Variants in MYRIP observed in about 807,000 individuals in gnomAD.
The protein encoded by MYRIP is myosin VIIA and Rab interacting protein, also known as rab effector MyRIP.
In MYRIP, 49 loss-of-function variants were observed where a neutral mutation model predicts 98.0. That is an observed-to-expected ratio of 0.50 (90% CI 0.40 to 0.63). The LOEUF is 0.63. MYRIP is among the 30% of genes least tolerant of loss of function. The pLI is 0.00. For missense variants in MYRIP, 1,004 were observed against 1,058.2 expected (o/e 0.95, Z 0.71); for synonymous variants, 404 against 409.5 (o/e 0.99, Z 0.16).
At chr3:39,965,831 C>T (rs942881821) in intron 2 of MYRIP, among the ~76,000 whole-genome samples, 21 of 152,068 alleles carry the variant, frequency 1.4e-4, no homozygotes, top group African/African-American at 3.9e-4. Flanking sequence ...CAGGTTCACA[C>T]ATAAAATTGA....
At chr3:40,210,667 A>G (rs745996691) in intron 11 of MYRIP, among the ~76,000 whole-genome samples, 1 of 152,082 alleles carries the variant, frequency 6.6e-6, no homozygotes, top group Non-Finnish European at 1.5e-5. Context: ...GAAAAAAATT[A>G]TTCTTGTCTC....
intron 3 of MYRIP, among the ~76,000 whole-genome samples, chr3:40,070,595 C>T (rs1201016998): frequency 2.0e-5 from 3 of 152,092 alleles, no homozygotes; most frequent in African/African-American, 4.8e-5. Context: ...AACAAATCAG[C>T]GATGGCATTA....
At chr3:39,889,598 G>A (rs1414297333) in intron 1 of MYRIP, among the ~76,000 whole-genome samples, 2 of 152,156 alleles carry the variant, frequency 1.3e-5, no homozygotes, top group South Asian at 4.1e-4. Flanking sequence ...GTTAGTGGGT[G>A]CAGTGCACCA....
At chr3:40,094,340 T>C (rs1279253321) in intron 3 of MYRIP, among the ~76,000 whole-genome samples, 2 of 151,828 alleles carry the variant, frequency 1.3e-5, no homozygotes, top group African/African-American at 4.8e-5. Context: ...ACTAAGAGGC[T>C]GAGCTGGAAC....
chr3:39,879,453 G>C (rs1458767), intron 1 of MYRIP, among the ~76,000 whole-genome samples: 48,675 of 151,520 alleles, frequency 0.32, 7,959 homozygotes, highest in Middle Eastern at 0.46. Flanking sequence ...ATAGTACAGA[G>C]ACTCTGGTTT....
At chr3:39,971,387 G>A (rs955770929) in intron 2 of MYRIP, among the ~76,000 whole-genome samples, 2 of 151,968 alleles carry the variant, frequency 1.3e-5, no homozygotes, top group African/African-American at 4.8e-5. Flanking sequence ...TGTATTGGGG[G>A]TGGCATATTA....
intron 3 of MYRIP, among the ~76,000 whole-genome samples, chr3:40,128,590 G>C (rs1301622720): frequency 1.3e-5 from 2 of 152,194 alleles, no homozygotes. Context: ...GACAAAGAAT[G>C]AATCTCCAGG....
At chr3:39,962,351 G>A (rs1252612500) in intron 2 of MYRIP, among the ~76,000 whole-genome samples, 1 of 152,014 alleles carries the variant, frequency 6.6e-6, no homozygotes, top group Non-Finnish European at 1.5e-5. Flanking sequence ...AAGGAACTGA[G>A]TGACTATTAG....
At position 40,157,478 on chromosome 3, in the gene MYRIP, C is replaced by A. The variant is rs1258733416; in HGVS notation, c.470-5252C>A. On this transcript the variant is annotated intron_variant, in intron 4 of 16. Coordinates refer to ENST00000302541, the MANE Select transcript of MYRIP (RefSeq NM_015460.4). ...TCTCTTTTTTGGTTGCGTCTCTGCCCGGCTTTGGTATCAGGATGATGCTGG... is the reference window on the plus strand; with the variant it reads ...TCTCTTTTTTGGTTGCGTCTCTGCCAGGCTTTGGTATCAGGATGATGCTGG... 8.6e-5 allele frequency among the ~76,000 whole-genome samples: 13 copies of A among 150,840 alleles called. No individual in the cohort carries two copies. In the South Asian group the frequency reaches 2.3e-3, roughly 27 times the overall value.
intron 2 of MYRIP, among the ~76,000 whole-genome samples, chr3:39,957,545 A>G (rs1190498123): frequency 1.3e-5 from 2 of 152,186 alleles, no homozygotes; most frequent in East Asian, 3.9e-4. Context: ...AATAAGAGCT[A>G]TTTATGACAA....
At chr3:40,056,236 A>G (rs568594190) in intron 3 of MYRIP, among the ~76,000 whole-genome samples, 1 of 152,292 alleles carries the variant, frequency 6.6e-6, no homozygotes, top group South Asian at 2.1e-4. Flanking sequence ...TGCCACCACC[A>G]CACATATCTT....
intron 1 of MYRIP, among the ~76,000 whole-genome samples, chr3:39,892,450 G>A (rs1168686639): frequency 6.6e-6 from 1 of 152,238 alleles, no homozygotes; most frequent in Non-Finnish European, 1.5e-5. Flanking sequence ...TGGGTTCAGT[G>A]TGGACTAAGT....
At chr3:40,074,463 A>C (rs926975157) in intron 3 of MYRIP, among the ~76,000 whole-genome samples, 20 of 152,202 alleles carry the variant, frequency 1.3e-4, no homozygotes, top group Admixed American at 7.9e-4. Context: ...TTAAAATTAA[A>C]ATATAGAGCA....
chr3:40,170,459 T>C (rs1352920148), intron 8 of MYRIP, among the ~76,000 whole-genome samples: 1 of 152,302 alleles, frequency 6.6e-6, no homozygotes, highest in South Asian at 2.1e-4. Flanking sequence ...CTTGCTTTAC[T>C]GAAACTGAAA....
intron 3 of MYRIP, among the ~76,000 whole-genome samples, chr3:40,053,302 A>G (rs914364468): frequency 6.6e-6 from 1 of 152,152 alleles, no homozygotes; most frequent in Non-Finnish European, 1.5e-5. Context: ...AGGTTAAGAT[A>G]CTGCCCTGTC....
chr3:39,848,172 C>T (rs953130674), intron 1 of MYRIP, among the ~76,000 whole-genome samples: 5 of 152,142 alleles, frequency 3.3e-5, no homozygotes, highest in African/African-American at 7.2e-5. Context: ...TGGAGCCACA[C>T]GGGTGTAGTG....
chr3:40,075,372 G>C (rs1411760912), intron 3 of MYRIP, among the ~76,000 whole-genome samples: 1 of 152,328 alleles, frequency 6.6e-6, no homozygotes, highest in Non-Finnish European at 1.5e-5. Context: ...TCAAGGACTA[G>C]TTTTAAAAAT....
intron 3 of MYRIP, among the ~76,000 whole-genome samples, chr3:40,084,159 A>G (rs1380996739): frequency 6.8e-6 from 1 of 147,002 alleles, no homozygotes; most frequent in Admixed American, 6.8e-5. Context: ...AAAAAAAAAA[A>G]AAAAAGACAT....
intron 1 of MYRIP, among the ~76,000 whole-genome samples, chr3:39,836,142 G>A (rs953096430): frequency 2.6e-5 from 4 of 152,068 alleles, no homozygotes; most frequent in Non-Finnish European, 5.9e-5. Context: ...TTGTATTTCT[G>A]GTTCTAGATC....
Sources: allele counts gnomAD v4.1 joint callset (sites outside exome capture counted in the v4.1 genomes callset), GRCh38; gene constraint gnomAD v4.1.1; transcripts MANE v1.5; gene names NCBI Gene and HGNC (gene_info 2026-07-23, HGNC 2026-07-21).